Variants in BCR observed in about 807,000 individuals in gnomAD.
The protein encoded by BCR is BCR activator of RhoGEF and GTPase.
BCR carries 58 observed loss-of-function variants against 138.6 expected under a neutral mutation model. The observed-to-expected ratio is 0.42, with a 90% CI of 0.34 to 0.52. The LOEUF is 0.52. Among genes scored for constraint, BCR ranks in the 20% least tolerant of loss-of-function variants. The pLI is 0.06. For synonymous variants in BCR, 786 were observed against 730.1 expected, an observed-to-expected ratio of 1.08 and a Z score of -1.23; for missense variants, 1,599 against 1,727.2, an observed-to-expected ratio of 0.93 and a Z score of 1.32.
intron 1 of BCR, among the ~76,000 whole-genome samples, chr22:23,243,833 C>T (rs973553147): frequency 4.6e-5 from 7 of 151,832 alleles, no homozygotes; most frequent in East Asian, 1.9e-4. Context: ...AGTAGAGACG[C>T]GATTTCATCA....
At chr22:23,277,415 C>T (rs373506221) in intron 8 of BCR, among the ~76,000 whole-genome samples, 8 of 152,166 alleles carry the variant, frequency 5.3e-5, no homozygotes, top group Admixed American at 2.0e-4. Context: ...CTCTGTGAGC[C>T]GATAGGACGT....
At chr22:23,184,164 C>T (rs1420805228) in intron 1 of BCR, among the ~76,000 whole-genome samples, 1 of 152,216 alleles carries the variant, frequency 6.6e-6, no homozygotes, top group East Asian at 1.9e-4. Flanking sequence ...TCATAGCTCA[C>T]TGCAACCTCA....
intron 19 of BCR, 30 bp downstream of exon 19, chr22:23,311,866 G>C (rs910865120): frequency 6.2e-7 from 1 of 1,610,142 alleles, no homozygotes; most frequent in African/African-American, 1.3e-5. Context: ...GGACGGGATG[G>C]AGGTGTGGGC....
chr22:23,311,873 G>A, intron 19 of BCR, 37 bp downstream of exon 19: 1 of 1,606,848 alleles, frequency 6.2e-7, no homozygotes, highest in South Asian at 1.1e-5. Context: ...ATGGAGGTGT[G>A]GGCAATGGTG....
chr22:23,251,028 G>A (rs2073220773), intron 1 of BCR: 1 of 152,220 alleles, frequency 6.6e-6, no homozygotes, highest in Non-Finnish European at 1.5e-5. Flanking sequence ...CCCCCTCGAT[G>A]TCCCATGGAT....
chr22:23,244,463 C>T (rs886595987), intron 1 of BCR, among the ~76,000 whole-genome samples: 3 of 152,174 alleles, frequency 2.0e-5, no homozygotes, highest in Non-Finnish European at 4.4e-5. Context: ...GGTCCTGGCT[C>T]CGTGGTCATT....
chr22:23,298,451 C>T (rs939593055), intron 16 of BCR, among the ~76,000 whole-genome samples: 1 of 152,210 alleles, frequency 6.6e-6, no homozygotes, highest in African/African-American at 2.4e-5. Context: ...CTTTGTCACA[C>T]CCCCACCACA....
At chr22:23,212,646 T>C (rs2072699488) in intron 1 of BCR, among the ~76,000 whole-genome samples, 1 of 152,194 alleles carries the variant, frequency 6.6e-6, no homozygotes, top group African/African-American at 2.4e-5. Context: ...CCTTTTGGAA[T>C]GAGCATGTGG....
chr22:23,246,659 T>G (rs2073160378), intron 1 of BCR, among the ~76,000 whole-genome samples: 1 of 152,054 alleles, frequency 6.6e-6, no homozygotes, highest in Non-Finnish European at 1.5e-5. Flanking sequence ...GTCTGAAAAA[T>G]AGCAATCTAA....
Position 23,289,501 on chromosome 22 carries a change from T to C in BCR, c.2603-16T>C. 1 of 1,609,144 alleles carries C rather than the reference T, an allele frequency of 6.2e-7. No individual in the cohort carries two copies. Among genetic ancestry groups the C allele is most frequent in the Non-Finnish European group, 8.5e-7 (1 of 1,175,498 alleles). On this transcript the variant is annotated splice_polypyrimidine_tract_variant and intron_variant, in intron 12 of 22. Coordinates refer to ENST00000305877, the MANE Select transcript of BCR (RefSeq NM_004327.4). Reference sequence around the variant, plus strand: ...GCAGATTGACCAATTGGTGCACCTCTTTTCCAACCTCCCAGGTTTCAGAAG... The same window carrying C: ...GCAGATTGACCAATTGGTGCACCTCCTTTCCAACCTCCCAGGTTTCAGAAG...
intron 1 of BCR, among the ~76,000 whole-genome samples, chr22:23,183,913 G>A (rs974702307): frequency 6.6e-6 from 1 of 152,154 alleles, no homozygotes; most frequent in African/African-American, 2.4e-5. Flanking sequence ...TTATTATAGA[G>A]GGATGGAAAG....
chr22:23,230,077 G>C (rs2072939628), intron 1 of BCR, among the ~76,000 whole-genome samples: 1 of 145,414 alleles, frequency 6.9e-6, no homozygotes, highest in Non-Finnish European at 1.5e-5. Context: ...TCTTGTCTGT[G>C]CCTGTTGGTA....
intron 16 of BCR, among the ~76,000 whole-genome samples, chr22:23,297,487 G>T (rs755049653): frequency 1.3e-5 from 2 of 152,096 alleles, no homozygotes; most frequent in Non-Finnish European, 2.9e-5. Context: ...TGGGTATTCA[G>T]GGAGGTAGAG....
rs11704491 is a variant in BCR, at chr22:23,196,339, G to A, written c.1279+14100G>A. Among the ~76,000 whole-genome samples, 245 of 152,312 alleles carry A rather than the reference G, an allele frequency of 1.6e-3. 1 individual carries two copies. Among genetic ancestry groups the A allele is most frequent in the Admixed American group, 2.5e-3 (39 of 15,308 alleles). ...GAGCCGGGACAAGCAGGCACCTAAAGTAACGGTAACATAAGGCAGGTGGCG... is the reference window on the plus strand; with the variant it reads ...GAGCCGGGACAAGCAGGCACCTAAAATAACGGTAACATAAGGCAGGTGGCG... On this transcript the variant is annotated intron_variant, in intron 1 of 22. Coordinates refer to ENST00000305877, the MANE Select transcript of BCR (RefSeq NM_004327.4).
intron 1 of BCR, among the ~76,000 whole-genome samples, chr22:23,244,665 A>G (rs1039087370): frequency 6.6e-6 from 1 of 152,230 alleles, no homozygotes. Context: ...CATACCCAGC[A>G]CAGTGTCCTG....
chr22:23,247,302 A>G (rs1381841273), intron 1 of BCR, among the ~76,000 whole-genome samples: 2 of 152,166 alleles, frequency 1.3e-5, no homozygotes, highest in Non-Finnish European at 2.9e-5. Context: ...ATCTCCTTTT[A>G]CCTTTGTAAA....
intron 1 of BCR, among the ~76,000 whole-genome samples, chr22:23,184,376 A>ACT (rs1327485658): frequency 2.0e-5 from 3 of 152,042 alleles, no homozygotes; most frequent in African/African-American, 7.3e-5. Context: ...CAGGGATGAG[A>ACT]CACCTCACCA....
intron 1 of BCR, among the ~76,000 whole-genome samples, chr22:23,204,388 GT>G (rs1357312769): frequency 3.0e-4 from 44 of 145,438 alleles, no homozygotes; most frequent in African/African-American, 1.1e-3. Flanking sequence ...AGATCCGTTA[GT>G]TTTGTGATTC....
intron 1 of BCR, among the ~76,000 whole-genome samples, chr22:23,253,199 C>T (rs1003065786): frequency 6.6e-6 from 1 of 152,182 alleles, no homozygotes; most frequent in African/African-American, 2.4e-5. Context: ...CATGCCCTCT[C>T]GGGGCACTGC....
Sources: allele counts gnomAD v4.1 joint callset (sites outside exome capture counted in the v4.1 genomes callset), GRCh38; gene constraint gnomAD v4.1.1; transcripts MANE v1.5; gene names NCBI Gene and HGNC (gene_info 2026-07-23, HGNC 2026-07-21).